KDM2B: variants seen among roughly 807,000 people sequenced by gnomAD.
KDM2B encodes lysine-specific demethylase 2B.
KDM2B carries 26 observed loss-of-function variants against 150.0 expected under a neutral mutation model. That is an observed-to-expected ratio of 0.17 (90% CI 0.13 to 0.24). The LOEUF is 0.24. KDM2B is among the 10% of genes least tolerant of loss of function. The pLI, the probability that KDM2B is intolerant of heterozygous loss-of-function variation, is 1.00. For missense variants in KDM2B, 1,265 were observed against 1,816.9 expected, an observed-to-expected ratio of 0.70 and a Z score of 5.52; for synonymous variants, 734 against 729.5, an observed-to-expected ratio of 1.01 and a Z score of -0.10.
chr12:121,506,078 T>C (rs781870262), intron 11 of KDM2B, among the ~76,000 whole-genome samples: 6 of 148,232 alleles, frequency 4.0e-5, no homozygotes, highest in Admixed American at 1.3e-4. Context: ...GGCGCACTCA[T>C]AGTTCACTGT....
chr12:121,512,038 C>T (rs1215823600), intron 10 of KDM2B, among the ~76,000 whole-genome samples: 1 of 152,154 alleles, frequency 6.6e-6, no homozygotes, highest in Non-Finnish European at 1.5e-5. Context: ...CCCTAAATGT[C>T]CAAGTGAAAG....
chr12:121,560,183 G>A (rs1890238494), intron 4 of KDM2B, among the ~76,000 whole-genome samples: 1 of 151,690 alleles, frequency 6.6e-6, no homozygotes, highest in Non-Finnish European at 1.5e-5. Context: ...ATTTTCTTTT[G>A]TAGAGACAGG....
chr12:121,507,868 G>A (rs1454951312), intron 11 of KDM2B, among the ~76,000 whole-genome samples: 3 of 151,888 alleles, frequency 2.0e-5, no homozygotes, highest in South Asian at 2.1e-4. Context: ...AAAATTAGCC[G>A]AGCATGGTGG....
chr12:121,551,344 C>CTTTT (rs1176650753), intron 4 of KDM2B, among the ~76,000 whole-genome samples: 1 of 130,938 alleles, frequency 7.6e-6, no homozygotes, highest in Non-Finnish European at 1.7e-5. Context: ...AGATTCCATT[C>CTTTT]TTTTTTTTTT....
chr12:121,429,752 CAA>C lies in KDM2B; in HGVS notation c.*534_*535del. ...ATCAGGAAAATTGGCAATCTCAAAA[CAA>C]TAAAAACACTGGTATGCATTCAAAC... On this transcript the variant is annotated 3_prime_UTR_variant, in exon 23 of 23. Coordinates refer to ENST00000377071, the MANE Select transcript of KDM2B (RefSeq NM_032590.5). 2.1e-6 allele frequency: 1 copy of C among 479,010 alleles called. No homozygotes were observed. Among genetic ancestry groups the C allele is most frequent in the Admixed American group, 3.8e-5 (1 of 26,312 alleles). 29.7% of individuals were successfully genotyped at this position (479,010 alleles called of 1,614,324 possible).
intron 4 of KDM2B, among the ~76,000 whole-genome samples, chr12:121,568,221 C>A (rs1890848627): frequency 6.6e-6 from 1 of 152,126 alleles, no homozygotes; most frequent in Non-Finnish European, 1.5e-5. Context: ...GTAACCCCAG[C>A]ACTTTGGGAG....
chr12:121,499,111 T>TA (rs1452599917), intron 11 of KDM2B, among the ~76,000 whole-genome samples: 1 of 10,806 alleles, frequency 9.3e-5, no homozygotes. Flanking sequence ...AGTCAATAAA[T>TA]TTTTTTTTTT....
At chr12:121,420,599 G>A in the KDM2B span, 3 of 1,614,176 alleles carry the variant, frequency 1.9e-6, no homozygotes, top group Non-Finnish European at 2.5e-6. Flanking sequence ...TCCAAGGAGA[G>A]AGTGAGAGCT....
chr12:121,465,981 T>G (rs958893388), intron 12 of KDM2B, among the ~76,000 whole-genome samples: 7 of 152,210 alleles, frequency 4.6e-5, no homozygotes, highest in Admixed American at 6.5e-5. Context: ...AGCCGTGAGA[T>G]TCCTAACACC....
At chr12:121,455,985 G>A (rs1555292630) in intron 12 of KDM2B, among the ~76,000 whole-genome samples, 1 of 152,232 alleles carries the variant, frequency 6.6e-6, no homozygotes, top group African/African-American at 2.4e-5. Flanking sequence ...CCGAGATGAC[G>A]GCCATGCCGC....
intron 4 of KDM2B, among the ~76,000 whole-genome samples, chr12:121,552,970 C>T (rs887321258): frequency 6.6e-5 from 10 of 152,080 alleles, no homozygotes; most frequent in Non-Finnish European, 1.2e-4. Flanking sequence ...CGGTGGCTCA[C>T]GCCTGTAATC....
intron 12 of KDM2B, among the ~76,000 whole-genome samples, chr12:121,482,715 T>C (rs1271526687): frequency 1.3e-5 from 2 of 152,140 alleles, no homozygotes; most frequent in Non-Finnish European, 2.9e-5. Context: ...GGAGTACAGG[T>C]GAAAGACAAC....
intron 12 of KDM2B, chr12:121,470,428 G>A (rs1379221059): frequency 6.6e-6 from 1 of 152,164 alleles, no homozygotes; most frequent in Admixed American, 6.5e-5. Flanking sequence ...AAGAAAATTA[G>A]GGAGTGGCTT....
intron 11 of KDM2B, among the ~76,000 whole-genome samples, chr12:121,498,763 T>C (rs1884226468): frequency 6.6e-6 from 1 of 152,190 alleles, no homozygotes. Context: ...AAAAAGTTAT[T>C]ACTGCAGTTC....
chr12:121,417,992 G>A, the KDM2B span: 1 of 1,407,266 alleles, frequency 7.1e-7, no homozygotes, highest in Non-Finnish European at 9.7e-7. This position sits in a 1 kb window ranked among gnomAD's most constrained non-coding sequence, Gnocchi z 5.0. Flanking sequence ...AGTGCTTGAT[G>A]ACTTCTGATA....
Position 121,467,417 on chromosome 12 carries a change from C to T in KDM2B, c.1735-14073G>A, listed in dbSNP as rs1208735314. ...AGGGGCCGGCGGGGGAGGGCCGGGG[C>T]GCCATGCATATGCATGAGGCGAGCC... On this transcript the variant is annotated intron_variant, in intron 12 of 22. Coordinates refer to ENST00000377071, the MANE Select transcript of KDM2B (RefSeq NM_032590.5). This position sits in a 1 kb window ranked among gnomAD's most constrained non-coding sequence, Gnocchi z 5.1. 1,288 of 902,160 alleles carry T rather than the reference C, an allele frequency of 1.4e-3. 3 individuals are homozygous for T. Among genetic ancestry groups the T allele is most frequent in the Non-Finnish European group, 1.6e-3 (1,241 of 756,884 alleles). The allele number at this position is 902,160 out of a possible 1,614,324, so 55.9% of individuals were successfully genotyped here. A position where few individuals can be genotyped will look rare whatever the true frequency, so the allele number is the denominator to read the frequency against.
At position 121,467,327 on chromosome 12, in the gene KDM2B, C is replaced by A. The variant is rs1189732709; in HGVS notation, c.1735-13983G>T. On this transcript the variant is annotated intron_variant, in intron 12 of 22. Transcript: ENST00000377071. This position sits in a 1 kb window ranked among gnomAD's most constrained non-coding sequence, Gnocchi z 5.1. ...GCTCGGGCTCGGGCTCGGGCTCGGG[C>A]TCCCGCTGCCGCGAGGAGGGAGCCG... 7.7e-5 allele frequency: 76 copies of A among 982,550 alleles called. No homozygotes were observed. The highest frequency in any genetic ancestry group is 3.7e-4 in the African/African-American group (21 of 56,826). 60.9% of individuals were successfully genotyped at this position (982,550 alleles called of 1,614,324 possible).
intron 6 of KDM2B, among the ~76,000 whole-genome samples, chr12:121,546,467 C>G (rs1555310694): frequency 6.7e-6 from 1 of 148,154 alleles, no homozygotes; most frequent in Admixed American, 6.8e-5. Flanking sequence ...ACTGCAAGCT[C>G]CACCTCCTGG....
chr12:121,572,888 C>T (rs76016310), intron 4 of KDM2B, among the ~76,000 whole-genome samples: 12,615 of 148,880 alleles, frequency 0.085, 1,665 homozygotes, highest in African/African-American at 0.28. Flanking sequence ...TGCAGTGGCA[C>T]GATCTCGGCT....
Sources: allele counts gnomAD v4.1 joint callset (sites outside exome capture counted in the v4.1 genomes callset), GRCh38; gene constraint gnomAD v4.1.1; non-coding constraint Gnocchi (gnomAD v3.1); transcripts MANE v1.5; gene names NCBI Gene and HGNC (gene_info 2026-07-23, HGNC 2026-07-21).